Variants in EBF1 observed in about 807,000 individuals in gnomAD.
The protein encoded by EBF1 is transcription factor COE1.
Under a neutral mutation model 68.4 loss-of-function variants are expected in EBF1, and 10 were observed. The observed-to-expected ratio is 0.15, with a 90% CI of 0.09 to 0.25. EBF1 has a LOEUF of 0.25. Among genes scored for constraint, EBF1 ranks in the 10% least tolerant of loss-of-function variants. EBF1 has a pLI of 1.00. For missense variants in EBF1, 509 were observed against 794.4 expected (o/e 0.64, Z 4.32); for synonymous variants, 298 against 299.8 (o/e 0.99, Z 0.06).
In EBF1 at chr5:159,069,558, C is replaced by T. The variant is rs145368520; in HGVS notation, c.554+3838G>A. Among the ~76,000 whole-genome samples, 667 of 152,166 alleles carry T rather than the reference C, an allele frequency of 4.4e-3. 2 individuals carry two copies. The highest frequency in any genetic ancestry group is 0.014 in the Middle Eastern group (4 of 294). ...AGCAAATTAAGAATGAATGGTCATC[C>T]TAACCAGATATGGAATAACAGTCTG... On this transcript the variant is annotated intron_variant, in intron 6 of 15. Coordinates refer to ENST00000313708, the MANE Select transcript of EBF1 (RefSeq NM_024007.5).
chr5:159,018,657 G>A (rs1211231242), intron 6 of EBF1, among the ~76,000 whole-genome samples: 3 of 152,172 alleles, frequency 2.0e-5, no homozygotes, highest in Admixed American at 2.0e-4. Flanking sequence ...ACTTTATAAT[G>A]TACTGGGCCC....
At chr5:158,770,917 G>T (rs1773745792) in intron 10 of EBF1, among the ~76,000 whole-genome samples, 1 of 152,092 alleles carries the variant, frequency 6.6e-6, no homozygotes, top group Non-Finnish European at 1.5e-5. Context: ...TTAGTCTTTA[G>T]AATAAAGAAA....
At position 158,900,057 on chromosome 5, in the gene EBF1, G is replaced by A. The variant is rs997648750; in HGVS notation, c.555-59947C>T. On this transcript the variant is annotated intron_variant, in intron 6 of 15. Transcript: ENST00000313708. Reference sequence around the variant, plus strand: ...CAGATGGTCAGGCCCTCGGGTTCCCGGCTTGGGCTCCCTCCAGATGTGTCT... The same window carrying A: ...CAGATGGTCAGGCCCTCGGGTTCCCAGCTTGGGCTCCCTCCAGATGTGTCT... Among the ~76,000 whole-genome samples, 6 of 152,158 alleles carry A rather than the reference G, an allele frequency of 3.9e-5. No individual in the cohort carries two copies. In the South Asian group the frequency reaches 6.2e-4, roughly 16 times the overall value.
intron 5 of EBF1, among the ~76,000 whole-genome samples, chr5:159,075,010 A>AG (rs1778487020): frequency 6.6e-6 from 1 of 152,100 alleles, no homozygotes; most frequent in Non-Finnish European, 1.5e-5. Flanking sequence ...TCATCCCTGA[A>AG]CTCTGATCCC....
chr5:158,890,141 A>G (rs1800891269), intron 6 of EBF1, among the ~76,000 whole-genome samples: 1 of 152,214 alleles, frequency 6.6e-6, no homozygotes. Flanking sequence ...AGAATGCGTA[A>G]AATGAAAATA....
intron 6 of EBF1, among the ~76,000 whole-genome samples, chr5:158,894,224 C>A (rs780579039): frequency 2.0e-5 from 3 of 152,020 alleles, no homozygotes; most frequent in Non-Finnish European, 4.4e-5. Context: ...TTAAATTTCT[C>A]TATGCATTTC....
chr5:158,810,524 G>C (rs937672160), intron 8 of EBF1, among the ~76,000 whole-genome samples: 1 of 152,034 alleles, frequency 6.6e-6, no homozygotes, highest in Admixed American at 6.6e-5. Context: ...TTGAGAAGAG[G>C]CCTCAAATCT....
chr5:159,029,242 T>C (rs1441968244), intron 6 of EBF1, among the ~76,000 whole-genome samples: 1 of 152,206 alleles, frequency 6.6e-6, no homozygotes, highest in African/African-American at 2.4e-5. Flanking sequence ...AAAGTAAATT[T>C]AATGATAGAT....
rs964461365 is a variant in EBF1, at chr5:159,004,913, C to G, written c.554+68483G>C. Among the ~76,000 whole-genome samples the G allele has an allele frequency of 2.2e-4, 34 of 152,312 alleles. 2 individuals carry two copies. Among genetic ancestry groups the G allele is most frequent in the Admixed American group, 1.9e-3 (29 of 15,304 alleles). On this transcript the variant is annotated intron_variant, in intron 6 of 15. Transcript: ENST00000313708. ...AATATATCTGCCCATACTTCTCAAA[C>G]AGTCATAGCAACACTCCCAGCATGT...
chr5:158,978,803 C>T (rs965407576), intron 6 of EBF1, among the ~76,000 whole-genome samples: 18 of 87,754 alleles, frequency 2.1e-4, no homozygotes, highest in Middle Eastern at 8.8e-3. Flanking sequence ...CACATACACA[C>T]ACACACACAC....
At position 159,064,899 on chromosome 5, in the gene EBF1, C is replaced by CTTTTT. The variant is rs57256923; in HGVS notation, c.554+8492_554+8496dup. ...GAAAAAGAGACTGCTCTCTTTTCAT[C>CTTTTT]TTTTTTTTTTTTTTTTTTTTTTTTT... On this transcript the variant is annotated intron_variant, in intron 6 of 15. Transcript: ENST00000313708. Among the ~76,000 whole-genome samples the CTTTTT allele has an allele frequency of 2.7e-3, 182 of 67,922 alleles. 1 individual carries two copies. The highest frequency in any genetic ancestry group is 3.1e-3 in the South Asian group (4 of 1,270). The allele number at this position is 67,922 out of a possible 152,430, so 44.6% of individuals were successfully genotyped here. A position where few individuals can be genotyped will look rare whatever the true frequency, so the allele number is the denominator to read the frequency against.
Position 158,698,233 on chromosome 5 carries a change from T to C in EBF1, c.*878A>G, listed in dbSNP as rs1327904587. The C allele has an allele frequency of 4.5e-6, 1 of 220,362 alleles. No individual in the cohort carries two copies. The highest frequency in any genetic ancestry group is 6.6e-5 in the East Asian group (1 of 15,246). The allele number at this position is 220,362 out of a possible 1,614,324, so 13.7% of individuals were successfully genotyped here. On this transcript the variant is annotated 3_prime_UTR_variant, in exon 16 of 16. Transcript: ENST00000313708. ...TGTGGAATTCTGTGCCTGGACCCTG[T>C]TCCATGAAGTCTCAAAGGAGATTCT... is the stretch of plus-strand genomic sequence containing the variant.
At chr5:158,906,137 T>G (rs570184588) in intron 6 of EBF1, among the ~76,000 whole-genome samples, 1 of 152,024 alleles carries the variant, frequency 6.6e-6, no homozygotes, top group Non-Finnish European at 1.5e-5. Flanking sequence ...AAAGGTAGAC[T>G]CAATATATCA....
At chr5:159,075,889 T>C (rs1778690695) in intron 5 of EBF1, among the ~76,000 whole-genome samples, 1 of 152,176 alleles carries the variant, frequency 6.6e-6, no homozygotes, top group South Asian at 2.1e-4. Flanking sequence ...GCCCAGACCC[T>C]GGCCGACTCT....
intron 6 of EBF1, among the ~76,000 whole-genome samples, chr5:159,012,258 G>T (rs550950748): frequency 1.3e-5 from 2 of 150,662 alleles, no homozygotes; most frequent in East Asian, 2.0e-4. Flanking sequence ...CTGCATTCTC[G>T]CCTGGCAACA....
In EBF1 at chr5:158,708,071, G is replaced by A. The variant is rs1445593215; in HGVS notation, c.1652C>T (p.Ala551Val). The A allele has an allele frequency of 2.5e-6, 4 of 1,568,664 alleles. No individual in the cohort carries two copies. The highest frequency in any genetic ancestry group is 3.5e-6 in the Non-Finnish European group (4 of 1,155,968). ...FSFSPANMVSAVKQKSAFAPV... is the reference protein window; with the variant it reads ...FSFSPANMVSVVKQKSAFAPV... ...TGCGAAAGCACTCTTCTGTTTCACGGCTGAGACCATGTTGGCTGGTGAGAA... is the reference window on the plus strand; with the variant it reads ...TGCGAAAGCACTCTTCTGTTTCACGACTGAGACCATGTTGGCTGGTGAGAA... The change falls in exon 15 of 16, where the codon GCC becomes GTC. Residue 551 changes from alanine to valine, a missense_variant. This residue lies in a region of EBF1 where 205 missense variants were observed against 247.4 expected (regional missense o/e 0.83). Coordinates refer to ENST00000313708, the MANE Select transcript of EBF1 (RefSeq NM_024007.5).
intron 8 of EBF1, among the ~76,000 whole-genome samples, chr5:158,798,677 A>G (rs1190462181): frequency 6.6e-6 from 1 of 152,196 alleles, no homozygotes; most frequent in African/African-American, 2.4e-5. Context: ...CTTCCCAAGG[A>G]AAGTTGCAAT....
chr5:158,949,613 T>A (rs534904431), intron 6 of EBF1, among the ~76,000 whole-genome samples: 17 of 152,314 alleles, frequency 1.1e-4, no homozygotes, highest in African/African-American at 4.1e-4. Flanking sequence ...TCCTAGAAGA[T>A]AAAAAGGTGA....
At chr5:158,749,694 G>A (rs563999072) in intron 10 of EBF1, among the ~76,000 whole-genome samples, 2 of 152,242 alleles carry the variant, frequency 1.3e-5, no homozygotes, top group South Asian at 2.1e-4. Flanking sequence ...TGTATTACAC[G>A]AGGGAGGTGA....
Sources: gnomAD v4.1 joint callset for allele counts (sites outside exome capture counted in the v4.1 genomes callset) on GRCh38, gnomAD v4.1.1 for gene constraint, gnomAD v4.1.1 regional missense constraint, MANE v1.5 for transcripts, NCBI Gene and HGNC (gene_info 2026-07-23, HGNC 2026-07-21) for gene names.